Variants in NGLY1 observed in about 807,000 individuals in gnomAD.
NGLY1 encodes the protein N-glycanase 1.
In NGLY1, 68 loss-of-function variants were observed where a neutral mutation model predicts 84.6. The ratio of observed to expected loss-of-function variants is 0.80; its 90% confidence interval spans 0.66 to 0.98. The LOEUF (loss-of-function observed/expected upper bound fraction) is 0.98, where lower values mean the gene tolerates loss of function less well. NGLY1 is among the 50% of genes least tolerant of loss of function. The probability of loss-of-function intolerance (pLI) is 0.00; values close to 1 mark genes in which losing one functional copy is unlikely to be tolerated. For missense variants in NGLY1, 779 were observed against 770.2 expected (o/e 1.01, Z -0.14); for synonymous variants, 280 against 275.2 (o/e 1.02, Z -0.17).
At chr3:25,790,037 AGCGCATGAGCGTACGTGCGAGC>A (rs376165311) in exon 1 of NGLY1, 154 of 780,350 alleles carry the variant, frequency 2.0e-4, no homozygotes, top group East Asian at 3.5e-4. Context: ...TGCGTGGGAA[AGCGCATGAGCGTACGTGCGAGC>A]GCGCATGAGC....
Position 25,736,139 on chromosome 3 carries a change from C to G in NGLY1, c.1014G>C (p.Trp338Cys), listed in dbSNP as rs915412085. 6.2e-7 allele frequency: 1 copy of G among 1,612,662 alleles called. No homozygotes were observed. The highest frequency in any genetic ancestry group is 2.2e-5 in the East Asian group (1 of 44,834). Residue 338 changes from tryptophan (W) to cysteine (C), a missense_variant, in exon 7 of 12, where the codon TGG (tryptophan) becomes TGC (cysteine). Coordinates refer to ENST00000280700, the MANE Select transcript of NGLY1 (RefSeq NM_018297.4). The stretch of plus-strand genomic sequence containing the variant: ...GCTGAGAAGGAGAATAGACTTCTGT[C>G]CAGACATGGTCTACTCAAGTAAGAG... Reference protein sequence around the residue: ...RYVWDYTDHVWTEVYSPSQQR... With the variant: ...RYVWDYTDHVCTEVYSPSQQR...
upstream of NGLY1, among the ~76,000 whole-genome samples, chr3:25,787,030 G>A (rs1335244189): frequency 1.3e-5 from 2 of 152,260 alleles, no homozygotes; most frequent in African/African-American, 2.4e-5. Context: ...AGCAGCATCA[G>A]CAGGAAACTT....
chr3:25,728,305 G>C (rs904651591), intron 10 of NGLY1, among the ~76,000 whole-genome samples: 1 of 152,094 alleles, frequency 6.6e-6, no homozygotes, highest in Non-Finnish European at 1.5e-5. Flanking sequence ...AACACTAGCA[G>C]CTGTTTATAT....
At chr3:25,745,810 TCA>T (rs1347023852) in intron 4 of NGLY1, among the ~76,000 whole-genome samples, 1 of 152,238 alleles carries the variant, frequency 6.6e-6, no homozygotes, top group Non-Finnish European at 1.5e-5. Context: ...CTGATGTCAC[TCA>T]GAGTTTCAAT....
At chr3:25,736,577 A>C (rs558985709) in intron 6 of NGLY1, 8 of 476,108 alleles carry the variant, frequency 1.7e-5, no homozygotes, top group African/African-American at 1.6e-4. Flanking sequence ...TTTGATTTTA[A>C]GAGAACACTA....
intron 1 of NGLY1, among the ~76,000 whole-genome samples, chr3:25,782,049 G>C (rs1488994): frequency 6.6e-6 from 1 of 152,070 alleles, no homozygotes; most frequent in African/African-American, 2.4e-5. Context: ...GAGCACGAAG[G>C]TGGTCCCCAC....
intron 4 of NGLY1, chr3:25,749,707 C>A: frequency 6.3e-7 from 1 of 1,583,232 alleles, no homozygotes. Context: ...TGCCCAGTGG[C>A]TTCCAGAAGT....
intron 11 of NGLY1, 56 bp downstream of exon 11, chr3:25,719,958 A>G (rs7632619): frequency 7.1e-7 from 1 of 1,418,386 alleles, no homozygotes; most frequent in South Asian, 1.4e-5. Context: ...AAGTACAATT[A>G]GTCTTCAGAG....
At chr3:25,764,432 T>C (rs1707462970) in intron 2 of NGLY1, 121 bp from the exon 3 acceptor site, 3 of 1,069,578 alleles carry the variant, frequency 2.8e-6, no homozygotes, top group Non-Finnish European at 2.7e-6. Context: ...TCTAAAATCA[T>C]ACTGTTTTCT....
At chr3:25,734,523 T>A (rs1339696230) in intron 7 of NGLY1, 2 of 149,054 alleles carry the variant, frequency 1.3e-5, no homozygotes, top group African/African-American at 4.9e-5. Flanking sequence ...GCCAACATGG[T>A]GAAACCCCGT....
At chr3:25,741,565 G>A (rs1399179134) in intron 4 of NGLY1, among the ~76,000 whole-genome samples, 1 of 151,984 alleles carries the variant, frequency 6.6e-6, no homozygotes, top group Non-Finnish European at 1.5e-5. Flanking sequence ...TCTTAGGCAA[G>A]CAAGATACAA....
intron 6 of NGLY1, 75 bp downstream of exon 6, chr3:25,737,259 A>C: frequency 1.6e-6 from 2 of 1,277,844 alleles, no homozygotes; most frequent in East Asian, 5.0e-5. Context: ...ACAGAGAATC[A>C]TGGGCTCAGA....
In NGLY1 at chr3:25,783,072, G is replaced by A. The variant is rs1708493903; in HGVS notation, c.131+188C>T. On this transcript the variant is annotated intron_variant, in intron 1 of 11. Coordinates refer to ENST00000280700, the MANE Select transcript of NGLY1 (RefSeq NM_018297.4). This position sits in a 1 kb window ranked among gnomAD's most constrained non-coding sequence, Gnocchi z 4.5. ...ACTTCCTTTTCTCGAGCGGGGGTGGGACTTGGCCGGGTCCCGAGGCCCCTG... is the reference window on the plus strand; with the variant it reads ...ACTTCCTTTTCTCGAGCGGGGGTGGAACTTGGCCGGGTCCCGAGGCCCCTG... 1.8e-6 allele frequency: 1 copy of A among 557,116 alleles called. No homozygotes were observed. The allele number at this position is 557,116 out of a possible 1,614,324, so 34.5% of individuals were successfully genotyped here. A position where few individuals can be genotyped will look rare whatever the true frequency, so the allele number is the denominator to read the frequency against.
intron 3 of NGLY1, among the ~76,000 whole-genome samples, chr3:25,758,593 A>T (rs911611105): frequency 1.3e-5 from 2 of 151,998 alleles, no homozygotes; most frequent in African/African-American, 2.4e-5. Flanking sequence ...AAATAAATAA[A>T]TTTTTTTGAA....
rs528622607 is a variant in NGLY1, at chr3:25,728,049, C to G, written c.1611+1084G>C. On this transcript the variant is annotated intron_variant, in intron 10 of 11. Coordinates refer to ENST00000280700, the MANE Select transcript of NGLY1 (RefSeq NM_018297.4). ...ATTTTATCTCTATTTTTATGCATTT[C>G]TTTAGCTAAAGAAGAAAATTCCAAA... Among the ~76,000 whole-genome samples the G allele has an allele frequency of 4.6e-5, 7 of 152,138 alleles. No homozygotes were observed. The East Asian group carries it at 1.4e-3, about 29-fold the overall frequency.
intron 4 of NGLY1, chr3:25,750,000 G>A: frequency 5.4e-6 from 3 of 551,330 alleles, no homozygotes; most frequent in Admixed American, 6.4e-5. Context: ...AGATGTACCA[G>A]TTTGTTCTTA....
chr3:25,729,655 GC>G (rs1310381498), intron 9 of NGLY1: 3 of 163,592 alleles, frequency 1.8e-5, no homozygotes, highest in Non-Finnish European at 4.0e-5. Flanking sequence ...CTGACTCCCA[GC>G]TTTCAACTCT....
intron 2 of NGLY1, among the ~76,000 whole-genome samples, chr3:25,773,436 C>T (rs1165917120): frequency 2.0e-5 from 3 of 152,118 alleles, no homozygotes; most frequent in Non-Finnish European, 2.9e-5. Context: ...CCGATGCATT[C>T]TGCATTTCCC....
At chr3:25,719,921 G>C in intron 11 of NGLY1, 93 bp downstream of exon 11, 2 of 1,091,636 alleles carry the variant, frequency 1.8e-6, no homozygotes, top group Non-Finnish European at 2.6e-6. Flanking sequence ...ATAACTCTTA[G>C]GTACGAAAAA....
Sources: allele counts gnomAD v4.1 joint callset (sites outside exome capture counted in the v4.1 genomes callset), GRCh38; gene constraint gnomAD v4.1.1; non-coding constraint Gnocchi (gnomAD v3.1); transcripts MANE v1.5; gene names NCBI Gene and HGNC (gene_info 2026-07-23, HGNC 2026-07-21).